RREB1: variants seen among roughly 807,000 people sequenced by gnomAD.
The protein encoded by RREB1 is ras responsive element binding protein 1, also known as ras-responsive element-binding protein 1.
RREB1 carries 27 observed loss-of-function variants against 117.8 expected under a neutral mutation model. That is an observed-to-expected ratio of 0.23 (90% confidence interval 0.17 to 0.32). The LOEUF is 0.32. Among genes scored for constraint, RREB1 ranks in the 10% least tolerant of loss-of-function variants. The probability of loss-of-function intolerance (pLI) is 1.00; values close to 1 mark genes in which losing one functional copy is unlikely to be tolerated. For missense variants in RREB1, 2,577 were observed against 2,378.2 expected (o/e 1.08, Z -1.74); for synonymous variants, 1,298 against 1,026.7 (o/e 1.26, Z -5.05).
chr6:7,118,284 C>T (rs1449491461), intron 1 of RREB1, among the ~76,000 whole-genome samples: 1 of 152,076 alleles, frequency 6.6e-6, no homozygotes, highest in Non-Finnish European at 1.5e-5. Context: ...CCACACCTGG[C>T]TAATTTTTGT....
In RREB1 at chr6:7,141,301, G is replaced by T. The variant is rs546204994; in HGVS notation, c.-285+33241G>T. Among the ~76,000 whole-genome samples the T allele has an allele frequency of 1.8e-4, 27 of 152,328 alleles. No individual in the cohort carries two copies. The South Asian group carries it at 2.5e-3, about 14-fold the overall frequency. On this transcript the variant is annotated intron_variant, in intron 1 of 12. Transcript: ENST00000379938. ...CCCGTGAGTAGAGCCGCGTCTTCCA[G>T]CGGATCTTGCCGCACTTTCCTCAGT...
chr6:7,193,922 T>C (rs564212931), intron 6 of RREB1, among the ~76,000 whole-genome samples: 2 of 152,096 alleles, frequency 1.3e-5, no homozygotes, highest in South Asian at 4.1e-4. Context: ...GAGAAATAAT[T>C]GATGTAGCTT....
chr6:7,136,181 T>G (rs1233288513), intron 1 of RREB1, among the ~76,000 whole-genome samples: 2 of 152,230 alleles, frequency 1.3e-5, no homozygotes, highest in East Asian at 3.8e-4. Flanking sequence ...TAAAACAATT[T>G]TACAATTCTG....
In RREB1 at chr6:7,246,593, G is replaced by C. The variant is rs970011565; in HGVS notation, c.4143G>C (p.Glu1381Asp). The change falls in exon 12 of 13, where the codon GAG becomes GAC. Residue 1381 changes from glutamate (E) to aspartate (D), a missense_variant. Physicochemically the swap from Glu to Asp is conservative, Grantham distance 45. Coordinates refer to ENST00000379938, the MANE Select transcript of RREB1 (RefSeq NM_001003699.4). ...AETASPVHRE[E>D]HGRGESHEPE... ...CGGCCTCGCCGGTGCACCGGGAAGA[G>C]CACGGGCGTGGGGAGAGCCATGAGC... 12 of 1,555,756 alleles carry C rather than the reference G, an allele frequency of 7.7e-6. No individual in the cohort carries two copies. The highest frequency in any genetic ancestry group is 8.7e-6 in the Non-Finnish European group (10 of 1,150,182).
intron 6 of RREB1, among the ~76,000 whole-genome samples, chr6:7,195,847 C>G (rs1355309142): frequency 6.6e-6 from 1 of 152,220 alleles, no homozygotes; most frequent in Non-Finnish European, 1.5e-5. Flanking sequence ...CTCAACTGTG[C>G]CAGTTTCATC....
intron 1 of RREB1, among the ~76,000 whole-genome samples, chr6:7,174,188 G>T (rs946139937): frequency 4.1e-5 from 6 of 144,770 alleles, no homozygotes; most frequent in African/African-American, 1.6e-4. Context: ...TGTTGATGGA[G>T]GTAAGGGGTG....
chr6:7,241,887 G>T (rs1010131696), intron 11 of RREB1, among the ~76,000 whole-genome samples: 8 of 152,204 alleles, frequency 5.3e-5, no homozygotes, highest in Non-Finnish European at 1.2e-4. Context: ...AAAGATGTGG[G>T]TGCCCACGGA....
intron 1 of RREB1, among the ~76,000 whole-genome samples, chr6:7,169,719 C>T (rs1460143225): frequency 6.6e-6 from 1 of 152,188 alleles, no homozygotes; most frequent in Non-Finnish European, 1.5e-5. Flanking sequence ...CATGTACTAG[C>T]AGGAAAGCTT....
chr6:7,131,592 T>TC (rs1312217304), intron 1 of RREB1, among the ~76,000 whole-genome samples: 1 of 152,196 alleles, frequency 6.6e-6, no homozygotes, highest in Non-Finnish European at 1.5e-5. Context: ...GCCAGTGTAC[T>TC]CCAATACAAG....
intron 1 of RREB1, among the ~76,000 whole-genome samples, chr6:7,122,146 G>C (rs1292601540): frequency 2.0e-5 from 3 of 152,256 alleles, no homozygotes; most frequent in Non-Finnish European, 2.9e-5. Context: ...AGGTGAGCAT[G>C]CTCCAAAGAA....
At position 7,210,825 on chromosome 6, in the gene RREB1, G is replaced by A; in HGVS notation, c.447G>A (p.Lys149=). 1 of 1,613,722 alleles carries A rather than the reference G, an allele frequency of 6.2e-7. No homozygotes were observed. The highest frequency in any genetic ancestry group is 8.5e-7 in the Non-Finnish European group (1 of 1,179,738). ...NMHRHMKIHE[K]DPNSATATAP... ...TCAGACATATGAAGATCCATGAGAA[G>A]GACCCTAACAGTGCCACAGCCACAG... The change falls in exon 7 of 13, where the codon AAG becomes AAA. Residue 149 remains lysine, a synonymous_variant. Coordinates refer to ENST00000379938, the MANE Select transcript of RREB1 (RefSeq NM_001003699.4).
intron 1 of RREB1, among the ~76,000 whole-genome samples, chr6:7,147,583 G>A (rs1184965368): frequency 6.6e-6 from 1 of 152,198 alleles, no homozygotes; most frequent in African/African-American, 2.4e-5. Flanking sequence ...ATCTGACTGT[G>A]TGACAGTTAA....
Position 7,249,308 on chromosome 6 carries a change from T to G in RREB1, c.*340T>G. ...GGAGAGGACCTCTTCATTTGAGCAT[T>G]AGCGTTATTTTGTATTGGTGTGTGT... On this transcript the variant is annotated 3_prime_UTR_variant, in exon 13 of 13. Coordinates refer to ENST00000379938, the MANE Select transcript of RREB1 (RefSeq NM_001003699.4). 1 of 257,098 alleles carries G rather than the reference T, an allele frequency of 3.9e-6. No individual in the cohort carries two copies. The highest frequency in any genetic ancestry group is 7.4e-5 in the East Asian group (1 of 13,510). The allele number at this position is 257,098 out of a possible 1,614,324, so 15.9% of individuals were successfully genotyped here.
intron 1 of RREB1, among the ~76,000 whole-genome samples, chr6:7,124,266 TC>T (rs1401835743): frequency 6.6e-6 from 1 of 152,190 alleles, no homozygotes; most frequent in African/African-American, 2.4e-5. Flanking sequence ...GGTCATGTGT[TC>T]CTTTTGTGGT....
intron 10 of RREB1, among the ~76,000 whole-genome samples, chr6:7,233,262 A>T (rs1287841825): frequency 6.6e-6 from 1 of 152,242 alleles, no homozygotes; most frequent in Non-Finnish European, 1.5e-5. Context: ...TTAGGATAGG[A>T]ATATACTTTA....
chr6:7,219,813 G>A (rs572097393), intron 8 of RREB1, among the ~76,000 whole-genome samples: 1 of 152,166 alleles, frequency 6.6e-6, no homozygotes, highest in African/African-American at 2.4e-5. Context: ...TTACATACCA[G>A]GGGCCATGTA....
intron 1 of RREB1, among the ~76,000 whole-genome samples, chr6:7,139,848 T>A (rs1347327734): frequency 6.6e-6 from 1 of 152,178 alleles, no homozygotes; most frequent in Non-Finnish European, 1.5e-5. Flanking sequence ...AGAAAAAAAA[T>A]TCCTTCTTGG....
intron 1 of RREB1, among the ~76,000 whole-genome samples, chr6:7,166,129 A>G (rs1247829847): frequency 3.3e-5 from 5 of 151,958 alleles, no homozygotes; most frequent in Non-Finnish European, 7.4e-5. Flanking sequence ...TGTGCCTCAC[A>G]CTTCCTCCAG....
At chr6:7,211,310 G>A (rs1766575540) in intron 7 of RREB1, among the ~76,000 whole-genome samples, 1 of 148,844 alleles carries the variant, frequency 6.7e-6, no homozygotes, top group African/African-American at 2.5e-5. Flanking sequence ...TCAGGTGGGT[G>A]GGAGGGTGGG....
Sources: allele counts gnomAD v4.1 joint callset (sites outside exome capture counted in the v4.1 genomes callset), GRCh38; gene constraint gnomAD v4.1.1; transcripts MANE v1.5; gene names NCBI Gene and HGNC (gene_info 2026-07-23, HGNC 2026-07-21).